ARHGAP32: variants seen among roughly 807,000 people sequenced by gnomAD.
ARHGAP32 encodes the protein Rho GTPase activating protein 32.
ARHGAP32 carries 51 observed loss-of-function variants against 186.5 expected under a neutral mutation model. The observed-to-expected ratio is 0.27, with a 90% CI of 0.22 to 0.35. ARHGAP32 has a LOEUF of 0.35. ARHGAP32 is among the 10% of genes least tolerant of loss of function. The pLI is 1.00. For synonymous variants in ARHGAP32, 950 were observed against 964.3 expected, an observed-to-expected ratio of 0.99 and a Z score of 0.27; for missense variants, 2,186 against 2,623.5, an observed-to-expected ratio of 0.83 and a Z score of 3.64.
intron 6 of ARHGAP32, among the ~76,000 whole-genome samples, chr11:129,085,724 C>T (rs765300015): frequency 3.3e-4 from 51 of 152,282 alleles, no homozygotes; most frequent in Admixed American, 9.2e-4. Flanking sequence ...CCATACTAGG[C>T]TGGGTGCGGT....
At chr11:129,136,565 G>A (rs889615876) in intron 2 of ARHGAP32, among the ~76,000 whole-genome samples, 4 of 151,900 alleles carry the variant, frequency 2.6e-5, no homozygotes, top group Non-Finnish European at 1.5e-5. Flanking sequence ...GAAAATTATA[G>A]GCTAATCTCA....
At chr11:129,202,020 A>T (rs1839541842) in intron 1 of ARHGAP32, among the ~76,000 whole-genome samples, 1 of 151,884 alleles carries the variant, frequency 6.6e-6, no homozygotes, top group South Asian at 2.1e-4. Flanking sequence ...CTATTTATTT[A>T]TATATATATG....
intron 5 of ARHGAP32, among the ~76,000 whole-genome samples, chr11:129,098,855 A>G (rs1941810671): frequency 1.3e-5 from 2 of 152,310 alleles, no homozygotes; most frequent in South Asian, 4.1e-4. Context: ...TTACAGGAGC[A>G]GAGTTTTTCT....
At chr11:129,055,338 T>C (rs753407237) in intron 10 of ARHGAP32, among the ~76,000 whole-genome samples, 17 of 152,190 alleles carry the variant, frequency 1.1e-4, no homozygotes, top group Non-Finnish European at 2.1e-4. Flanking sequence ...CTAGTAACAA[T>C]GCAAAATGAT....
At chr11:129,060,022 T>C (rs1442957312) in intron 10 of ARHGAP32, among the ~76,000 whole-genome samples, 1 of 152,230 alleles carries the variant, frequency 6.6e-6, no homozygotes. Flanking sequence ...ATTTCGTTTT[T>C]GTTTTCAATA....
intron 1 of ARHGAP32, among the ~76,000 whole-genome samples, chr11:129,270,787 G>A (rs1945464240): frequency 6.6e-6 from 1 of 151,240 alleles, no homozygotes; most frequent in African/African-American, 2.4e-5. Context: ...AAGAAAAGAA[G>A]AGAGAGCAGA....
intron 2 of ARHGAP32, among the ~76,000 whole-genome samples, chr11:129,130,676 C>A (rs1332886049): frequency 6.6e-6 from 1 of 152,006 alleles, no homozygotes; most frequent in African/African-American, 2.4e-5. Flanking sequence ...GCACACCTGC[C>A]AAAAAGCCCA....
chr11:129,003,103 G>A (rs1003162720), intron 11 of ARHGAP32, among the ~76,000 whole-genome samples: 8 of 152,158 alleles, frequency 5.3e-5, no homozygotes, highest in African/African-American at 1.9e-4. Flanking sequence ...GCCAAGGGAT[G>A]TTGAATTTTT....
At position 128,969,583 on chromosome 11, in the gene ARHGAP32, C is replaced by G. The variant is rs1157397350; in HGVS notation, c.5630G>C (p.Arg1877Thr). 1 of 1,614,114 alleles carries G rather than the reference C, an allele frequency of 6.2e-7. No homozygotes were observed. Among genetic ancestry groups the G allele is most frequent in the East Asian group, 2.2e-5 (1 of 44,866 alleles). Residue 1877 changes from arginine (R) to threonine (T), a missense_variant, in exon 23 of 23, where the codon AGG becomes ACG. Physicochemically the swap from Arg to Thr is moderately conservative, Grantham distance 71 (BLOSUM62 -1). Around this residue, in one of 5 missense-constraint regions of ARHGAP32, gnomAD observed 1,502 missense variants for 1,570.0 expected, o/e 0.96. Coordinates refer to ENST00000682385, the MANE Select transcript of ARHGAP32 (RefSeq NM_001378024.1). This position sits in a 1 kb window ranked among gnomAD's most constrained non-coding sequence, Gnocchi z 4.8. The stretch of plus-strand genomic sequence containing the variant: ...GCCCATGTCAGGAAGCTTCCTGCTC[C>G]TCAGGCTGCTCTGCTTCTGAGGCAG... ...PSLPQKQSSL[R>T]SRKLPDMGCS...
intron 6 of ARHGAP32, among the ~76,000 whole-genome samples, chr11:129,070,518 T>TTTTTTTTTTTTTTTTTTTTTTTTTTTTG (rs1565406990): frequency 6.6e-6 from 1 of 152,106 alleles, no homozygotes; most frequent in African/African-American, 2.4e-5. Context: ...TTGGGAGTTC[T>TTTTTTTTTTTTTTTTTTTTTTTTTTTTG]AAGATGACAG....
chr11:129,213,799 C>T (rs1944611554), intron 1 of ARHGAP32, among the ~76,000 whole-genome samples: 1 of 151,876 alleles, frequency 6.6e-6, no homozygotes, highest in African/African-American at 2.4e-5. Flanking sequence ...TACGAAGACA[C>T]TACAGGGATA....
intron 1 of ARHGAP32, among the ~76,000 whole-genome samples, chr11:129,265,227 A>G (rs1367525577): frequency 6.6e-6 from 1 of 152,174 alleles, no homozygotes; most frequent in Admixed American, 6.5e-5. Flanking sequence ...AGTACCTATC[A>G]TCACGGTAAA....
intron 11 of ARHGAP32, among the ~76,000 whole-genome samples, chr11:129,027,098 C>CAAA (rs368676310): frequency 5.5e-5 from 6 of 108,206 alleles, no homozygotes; most frequent in Non-Finnish European, 1.2e-4. Context: ...GACTCTGTCT[C>CAAA]AAAAAAAAAA....
rs553417064 is a variant in ARHGAP32, at chr11:128,970,792, G to A, written c.4421C>T (p.Pro1474Leu). 3.1e-6 allele frequency: 5 copies of A among 1,614,226 alleles called. No individual in the cohort carries two copies. The Admixed American group carries it at 6.7e-5, about 22-fold the overall frequency. ...SVDDALPLPL[P>L]VPQPKHASQK... ...AGAAGCATGCTTAGGTTGTGGGACA[G>A]GAAGTGGTAAAGGCAATGCATCGTC... is the stretch of plus-strand genomic sequence containing the variant. Residue 1474 changes from proline (P) to leucine (L), a missense_variant, in exon 23 of 23, where the codon CCT (proline) becomes CTT (leucine). Pro to Leu is a moderately conservative substitution (Grantham distance 98). Transcript: ENST00000682385. The surrounding 1 kb of genome is among the most constrained non-coding windows in gnomAD (Gnocchi z 5.8).
intron 11 of ARHGAP32, among the ~76,000 whole-genome samples, chr11:129,013,779 A>G (rs749815348): frequency 2.0e-5 from 3 of 152,210 alleles, no homozygotes; most frequent in Non-Finnish European, 4.4e-5. Context: ...TATTTGGGAC[A>G]CAAGCACTGA....
At chr11:129,001,958 C>T (rs546628203) in intron 11 of ARHGAP32, among the ~76,000 whole-genome samples, 13 of 152,192 alleles carry the variant, frequency 8.5e-5, no homozygotes, top group Non-Finnish European at 1.3e-4. Flanking sequence ...TATTCTGTTC[C>T]GTTGGTCCAT....
chr11:128,980,404 C>G, intron 18 of ARHGAP32, 149 bp downstream of exon 18: 1 of 543,884 alleles, frequency 1.8e-6, no homozygotes. Context: ...CGGTAAGTAT[C>G]ATCCATATTC....
chr11:129,022,132 A>G (rs1254422222), intron 11 of ARHGAP32, among the ~76,000 whole-genome samples: 2 of 152,100 alleles, frequency 1.3e-5, no homozygotes, highest in African/African-American at 4.8e-5. Flanking sequence ...AACACACACA[A>G]ATTCTTAGGA....
At chr11:129,101,115 C>A (rs1941884556) in intron 5 of ARHGAP32, among the ~76,000 whole-genome samples, 1 of 152,092 alleles carries the variant, frequency 6.6e-6, no homozygotes, top group African/African-American at 2.4e-5. Context: ...GCTGGTCCCC[C>A]CAAAAATTTC....
Sources: allele counts gnomAD v4.1 joint callset (sites outside exome capture counted in the v4.1 genomes callset), GRCh38; gene constraint gnomAD v4.1.1; regional missense constraint gnomAD v4.1.1; non-coding constraint Gnocchi (gnomAD v3.1); transcripts MANE v1.5; gene names NCBI Gene and HGNC (gene_info 2026-07-23, HGNC 2026-07-21).